WWOX: variants seen among roughly 807,000 people sequenced by gnomAD.
The protein encoded by WWOX is WW domain containing oxidoreductase.
A neutral mutation model predicts 46.2 loss-of-function variants in WWOX; 69 were observed. The observed-to-expected ratio is 1.49, with a 90% CI of 1.23 to 1.82. WWOX has a LOEUF of 1.82. WWOX is among the 40% of genes most tolerant of loss of function. The pLI, the probability that WWOX is intolerant of heterozygous loss-of-function variation, is 0.00. For missense variants in WWOX, 919 were observed against 542.6 expected, an observed-to-expected ratio of 1.69 and a Z score of -6.89; for synonymous variants, 359 against 202.6, an observed-to-expected ratio of 1.77 and a Z score of -6.56.
chr16:78,924,120 A>G (rs150045711), intron 8 of WWOX, among the ~76,000 whole-genome samples: 17 of 152,178 alleles, frequency 1.1e-4, no homozygotes, highest in African/African-American at 3.1e-4. Flanking sequence ...CCCGGCTGCT[A>G]GGAACTATTA....
intron 8 of WWOX, among the ~76,000 whole-genome samples, chr16:78,479,102 A>G (rs1331845910): frequency 1.3e-5 from 2 of 151,956 alleles, no homozygotes; most frequent in Non-Finnish European, 2.9e-5. Context: ...TGAATGTAGG[A>G]GTATTTGGAA....
intron 8 of WWOX, among the ~76,000 whole-genome samples, chr16:78,735,815 C>A (rs1597515532): frequency 7.4e-6 from 1 of 135,352 alleles, no homozygotes; most frequent in Non-Finnish European, 1.6e-5. Flanking sequence ...CTGGTCAAGG[C>A]TTTGTGAATC....
At position 78,709,436 on chromosome 16, in the gene WWOX, T is replaced by TGGGC. The variant is rs1287506970; in HGVS notation, c.1056+276684_1056+276685insGGGC. Among the ~76,000 whole-genome samples, 1,185 of 152,318 alleles carry TGGGC rather than the reference T, an allele frequency of 7.8e-3. 14 individuals are homozygous for TGGGC. Among genetic ancestry groups the TGGGC allele is most frequent in the African/African-American group, 0.026 (1,079 of 41,576 alleles). ...CCCAGCCTGTTGCAAGTAATCGGGCTCTGTCAGATCAGCCTTGGTGAGATT... is the reference window on the plus strand; with the variant it reads ...CCCAGCCTGTTGCAAGTAATCGGGCTGGGCCTGTCAGATCAGCCTTGGTGAGATT... On this transcript the variant is annotated intron_variant, in intron 8 of 8. Coordinates refer to ENST00000566780, the MANE Select transcript of WWOX (RefSeq NM_016373.4).
At chr16:79,039,085 C>A (rs564504347) in intron 8 of WWOX, among the ~76,000 whole-genome samples, 2 of 152,064 alleles carry the variant, frequency 1.3e-5, no homozygotes, top group African/African-American at 4.8e-5. Flanking sequence ...ATAAACTGAA[C>A]TTGATTTCCT....
At chr16:78,532,948 C>A (rs2043658251) in intron 8 of WWOX, among the ~76,000 whole-genome samples, 1 of 152,148 alleles carries the variant, frequency 6.6e-6, no homozygotes, top group Non-Finnish European at 1.5e-5. Context: ...GGGACCAAGG[C>A]CTGATGAAGC....
intron 8 of WWOX, among the ~76,000 whole-genome samples, chr16:78,724,581 A>G (rs1049708806): frequency 6.6e-6 from 1 of 152,178 alleles, no homozygotes; most frequent in Non-Finnish European, 1.5e-5. Flanking sequence ...GAATTTGGGG[A>G]CATTGACCCA....
chr16:78,957,711 C>G (rs80330320), intron 8 of WWOX, among the ~76,000 whole-genome samples: 1,708 of 152,302 alleles, frequency 0.011, 26 homozygotes, highest in African/African-American at 0.038. Context: ...GTATGTGAAC[C>G]TCTCCGTTAG....
chr16:78,422,756 T>TATACACATATATATAC (rs1279632567), intron 6 of WWOX, among the ~76,000 whole-genome samples: 9,538 of 103,730 alleles, frequency 0.092, 1,388 homozygotes, highest in African/African-American at 0.37. Flanking sequence ...TACACATATA[T>TATACACATATATATAC]ACACATATAT....
At chr16:78,577,630 A>G (rs1041350362) in intron 8 of WWOX, among the ~76,000 whole-genome samples, 1 of 152,188 alleles carries the variant, frequency 6.6e-6, no homozygotes, top group Non-Finnish European at 1.5e-5. Flanking sequence ...AATTATTTAA[A>G]TGGGGATGAT....
intron 4 of WWOX, among the ~76,000 whole-genome samples, chr16:78,140,269 A>C (rs898638797): frequency 6.6e-6 from 1 of 152,206 alleles, no homozygotes; most frequent in African/African-American, 2.4e-5. Context: ...AGTAAGCAGA[A>C]TCTACCACAG....
intron 8 of WWOX, among the ~76,000 whole-genome samples, chr16:78,914,984 G>C (rs897447226): frequency 1.3e-5 from 2 of 151,592 alleles, no homozygotes. Flanking sequence ...CCAGGGTCAT[G>C]TATTAGGTGG....
chr16:79,124,419 A>G (rs1161333674), intron 8 of WWOX, among the ~76,000 whole-genome samples: 3 of 152,158 alleles, frequency 2.0e-5, no homozygotes, highest in South Asian at 2.1e-4. Flanking sequence ...TTAAAATACA[A>G]CCGAGGTTCC....
intron 8 of WWOX, among the ~76,000 whole-genome samples, chr16:78,543,384 C>T (rs1157709323): frequency 6.6e-6 from 1 of 152,190 alleles, no homozygotes; most frequent in African/African-American, 2.4e-5. Context: ...TGGATTTTTA[C>T]TACAATGATG....
At chr16:78,857,714 A>G (rs1567607673) in intron 8 of WWOX, among the ~76,000 whole-genome samples, 1 of 152,204 alleles carries the variant, frequency 6.6e-6, no homozygotes, top group Non-Finnish European at 1.5e-5. Context: ...TTTCCCTAGT[A>G]GTAACATTAT....
At chr16:79,139,522 C>T (rs1033185334) in intron 8 of WWOX, among the ~76,000 whole-genome samples, 1 of 152,186 alleles carries the variant, frequency 6.6e-6, no homozygotes, top group Non-Finnish European at 1.5e-5. Flanking sequence ...TACTGATGTC[C>T]AAACACGATG....
intron 8 of WWOX, among the ~76,000 whole-genome samples, chr16:79,107,635 A>T (rs1366630358): frequency 6.6e-6 from 1 of 151,978 alleles, no homozygotes; most frequent in Non-Finnish European, 1.5e-5. Flanking sequence ...CTGAAACCCC[A>T]CCCTCACCCT....
chr16:79,101,552 G>C (rs999161676), intron 8 of WWOX: 4 of 152,070 alleles, frequency 2.6e-5, no homozygotes, highest in Admixed American at 2.6e-4. Flanking sequence ...AGTGGGTCCT[G>C]GGAATTTGCT....
chr16:78,570,906 C>T (rs576003804), intron 8 of WWOX, among the ~76,000 whole-genome samples: 2 of 152,242 alleles, frequency 1.3e-5, no homozygotes, highest in East Asian at 3.9e-4. Context: ...AAGGAGCTGG[C>T]AGTGTGAATA....
chr16:78,908,642 T>A (rs2045029909), intron 8 of WWOX, among the ~76,000 whole-genome samples: 1 of 151,816 alleles, frequency 6.6e-6, no homozygotes, highest in Admixed American at 6.6e-5. Context: ...GGGATAGAGA[T>A]TTTTAAGGAG....
Sources: gnomAD v4.1 joint callset for allele counts (sites outside exome capture counted in the v4.1 genomes callset) on GRCh38, gnomAD v4.1.1 for gene constraint, MANE v1.5 for transcripts, NCBI Gene and HGNC (gene_info 2026-07-23, HGNC 2026-07-21) for gene names.